The following IL1RAPL1 variants were observed in gnomAD, a reference collection of about 807,000 sequenced individuals.
The protein encoded by IL1RAPL1 is interleukin 1 receptor accessory protein like 1.
Under a neutral mutation model 48.4 loss-of-function variants are expected in IL1RAPL1, and 3 were observed. That is an observed-to-expected ratio of 0.06 (90% CI 0.03 to 0.16). IL1RAPL1 has a LOEUF of 0.16. IL1RAPL1 is among the 10% of genes least tolerant of loss of function. The probability of loss-of-function intolerance (pLI) is 1.00; values close to 1 mark genes in which losing one functional copy is unlikely to be tolerated. For missense variants in IL1RAPL1, 349 were observed against 530.6 expected, an observed-to-expected ratio of 0.66 and a Z score of 3.36; for synonymous variants, 185 against 187.7, an observed-to-expected ratio of 0.99 and a Z score of 0.12.
intron 2 of IL1RAPL1, among the ~76,000 whole-genome samples, chrX:28,839,731 T>C (rs886429888): frequency 1.8e-5 from 2 of 110,445 alleles, no homozygotes; most frequent in Admixed American, 1.9e-4. Flanking sequence ...AAATGGGAAA[T>C]AATTTGTTTA....
intron 2 of IL1RAPL1, among the ~76,000 whole-genome samples, chrX:29,024,336 A>AT (rs1175379227): frequency 9.0e-6 from 1 of 111,706 alleles, no homozygotes; most frequent in African/African-American, 3.2e-5. Context: ...TCCCATATTT[A>AT]TTTTTTTAGA....
intron 1 of IL1RAPL1, among the ~76,000 whole-genome samples, chrX:28,649,693 G>T (rs1230758747): frequency 1.8e-5 from 2 of 112,279 alleles, no homozygotes; most frequent in East Asian, 5.6e-4. Flanking sequence ...CCAAAGTCAG[G>T]GATGCCATCA....
intron 2 of IL1RAPL1, among the ~76,000 whole-genome samples, chrX:28,982,530 A>G (rs764057539): frequency 8.9e-6 from 1 of 112,223 alleles, no homozygotes; most frequent in South Asian, 3.7e-4. Context: ...CACTATTTGC[A>G]TTTAGTACCT....
At chrX:29,311,526 G>A (rs1932724011) in intron 3 of IL1RAPL1, among the ~76,000 whole-genome samples, 1 of 111,746 alleles carries the variant, frequency 8.9e-6, no homozygotes, top group Admixed American at 9.5e-5. Context: ...AATATTCTAT[G>A]TCTCTGCTGT....
At chrX:28,645,343 G>T (rs936175480) in intron 1 of IL1RAPL1, among the ~76,000 whole-genome samples, 3 of 37,909 alleles carry the variant, frequency 7.9e-5, no homozygotes, top group African/African-American at 3.5e-4. Flanking sequence ...GTGAAATTCC[G>T]CCTCAAAAAA....
chrX:29,019,278 G>A (rs1352732870), intron 2 of IL1RAPL1, among the ~76,000 whole-genome samples: 1 of 111,728 alleles, frequency 9.0e-6, no homozygotes, highest in Non-Finnish European at 1.9e-5. Flanking sequence ...TGATGAAAAT[G>A]TTCTGGAATT....
intron 5 of IL1RAPL1, among the ~76,000 whole-genome samples, chrX:29,422,950 C>T (rs926377040): frequency 3.1e-4 from 35 of 111,703 alleles, no homozygotes; most frequent in African/African-American, 1.1e-3. Flanking sequence ...CCTCATTATA[C>T]TTTCCTCCCT....
At chrX:28,992,422 G>A (rs1461773335) in intron 2 of IL1RAPL1, among the ~76,000 whole-genome samples, 1 of 105,009 alleles carries the variant, frequency 9.5e-6, no homozygotes, top group Non-Finnish European at 1.9e-5. Context: ...CCTGGGAGAC[G>A]GAGGTTGCAG....
chrX:29,956,326 G>A lies in IL1RAPL1; in HGVS notation c.*506G>A. The A allele has an allele frequency of 1.0e-5, 1 of 97,695 alleles. No individual in the cohort carries two copies. The highest frequency in any genetic ancestry group is 2.0e-5 in the Non-Finnish European group (1 of 49,104). 8.1% of individuals were successfully genotyped at this position (97,695 alleles called of 1,213,427 possible). A position where few individuals can be genotyped will look rare whatever the true frequency, so the allele number is the denominator to read the frequency against. ...AACAAATGCCAGCATTGCCATTCGG[G>A]GGAAAAAAAAAAAAAAAAAAAAAAG... On this transcript the variant is annotated 3_prime_UTR_variant, in exon 11 of 11. Coordinates refer to ENST00000378993, the MANE Select transcript of IL1RAPL1 (RefSeq NM_014271.4).
At chrX:29,039,916 C>T (rs1373000924) in intron 2 of IL1RAPL1, among the ~76,000 whole-genome samples, 13 of 109,661 alleles carry the variant, frequency 1.2e-4, no homozygotes, top group African/African-American at 4.3e-4. Flanking sequence ...TATATGCAAA[C>T]AACAACAACA....
At chrX:29,809,104 T>TG (rs1230180299) in intron 6 of IL1RAPL1, among the ~76,000 whole-genome samples, 8 of 100,157 alleles carry the variant, frequency 8.0e-5, no homozygotes, top group African/African-American at 3.0e-4. Flanking sequence ...TCTTTTTTTT[T>TG]GGGGGGTGGG....
At chrX:29,813,533 T>C (rs1930423436) in intron 6 of IL1RAPL1, among the ~76,000 whole-genome samples, 1 of 111,972 alleles carries the variant, frequency 8.9e-6, no homozygotes, top group Non-Finnish European at 1.9e-5. Context: ...CAATCATCCA[T>C]GATGCATTTT....
chrX:29,527,129 A>T (rs1935560961), intron 5 of IL1RAPL1, among the ~76,000 whole-genome samples: 1 of 110,344 alleles, frequency 9.1e-6, no homozygotes, highest in Middle Eastern at 4.7e-3. Flanking sequence ...TAGAGGTGAC[A>T]TCTCAAATAA....
At chrX:29,351,821 T>C (rs952446765) in intron 3 of IL1RAPL1, among the ~76,000 whole-genome samples, 13 of 111,661 alleles carry the variant, frequency 1.2e-4, no homozygotes, top group Non-Finnish European at 2.4e-4. Flanking sequence ...ACCATCATGA[T>C]CTGTAACCTT....
intron 3 of IL1RAPL1, among the ~76,000 whole-genome samples, chrX:29,331,653 G>A (rs928459544): frequency 8.9e-6 from 1 of 112,200 alleles, no homozygotes. Context: ...TTTCGCATCT[G>A]TTGTAACATG....
At chrX:29,124,023 C>T (rs1350804170) in intron 2 of IL1RAPL1, among the ~76,000 whole-genome samples, 1 of 111,407 alleles carries the variant, frequency 9.0e-6, no homozygotes, top group Non-Finnish European at 1.9e-5. Context: ...TGGTCTGCAT[C>T]TTATTTGTGA....
intron 8 of IL1RAPL1, among the ~76,000 whole-genome samples, chrX:29,926,485 T>A (rs1271938271): frequency 8.9e-6 from 1 of 112,205 alleles, no homozygotes; most frequent in Non-Finnish European, 1.9e-5. Flanking sequence ...TTTACACTTG[T>A]TTTCTTAACT....
At chrX:28,730,413 G>A (rs191517224) in intron 1 of IL1RAPL1, among the ~76,000 whole-genome samples, 41 of 111,238 alleles carry the variant, frequency 3.7e-4, no homozygotes, top group Non-Finnish European at 6.2e-4. Context: ...TATGTATTCA[G>A]AGGAACACTT....
At chrX:28,956,953 C>T (rs1386272336) in intron 2 of IL1RAPL1, among the ~76,000 whole-genome samples, 1 of 110,705 alleles carries the variant, frequency 9.0e-6, no homozygotes, top group African/African-American at 3.3e-5. Context: ...TGTTATTGGT[C>T]TATTCAGAGA....
Sources: gnomAD v4.1 joint callset for allele counts (sites outside exome capture counted in the v4.1 genomes callset) on GRCh38, gnomAD v4.1.1 for gene constraint, MANE v1.5 for transcripts, NCBI Gene and HGNC (gene_info 2026-07-23, HGNC 2026-07-21) for gene names.